Variants in KALRN observed in about 807,000 individuals in gnomAD.
KALRN encodes kalirin.
In KALRN, 70 loss-of-function variants were observed where a neutral mutation model predicts 353.7. The ratio of observed to expected loss-of-function variants is 0.20; its 90% CI spans 0.16 to 0.24. The LOEUF (loss-of-function observed/expected upper bound fraction) is 0.24, where lower values mean the gene tolerates loss of function less well. Among genes scored for constraint, KALRN ranks in the 10% least tolerant of loss-of-function variants. KALRN has a pLI of 1.00. For synonymous variants in KALRN, 1,391 were observed against 1,434.8 expected (o/e 0.97, Z 0.69); for missense variants, 2,791 against 3,756.7 (o/e 0.74, Z 6.72).
At chr3:124,200,075 G>A (rs1213357861) in intron 1 of KALRN, among the ~76,000 whole-genome samples, 1 of 152,192 alleles carries the variant, frequency 6.6e-6, no homozygotes, top group Non-Finnish European at 1.5e-5. Context: ...AAGGTGGGTG[G>A]CTGCAGCAGT....
At chr3:124,123,030 G>A (rs1007120733) in intron 1 of KALRN, among the ~76,000 whole-genome samples, 1 of 152,014 alleles carries the variant, frequency 6.6e-6, no homozygotes, top group Non-Finnish European at 1.5e-5. Context: ...ATGAAACCCA[G>A]TCTCTACAAA....
chr3:124,607,531 A>G (rs1227317744), intron 34 of KALRN, among the ~76,000 whole-genome samples: 1 of 152,228 alleles, frequency 6.6e-6, no homozygotes, highest in Non-Finnish European at 1.5e-5. Context: ...TATGTATGAC[A>G]TACTTTTTAA....
intron 58 of KALRN, among the ~76,000 whole-genome samples, chr3:124,716,443 G>T (rs2150819795): frequency 6.6e-6 from 1 of 152,354 alleles, no homozygotes; most frequent in South Asian, 2.1e-4. Context: ...AGAATCGCTT[G>T]AACCTGGGAG....
rs547243391 is a variant in KALRN at position 124,266,102 on chromosome 3, G to A, written c.456+1412G>A. On this transcript the variant is annotated intron_variant, in intron 4 of 59. Transcript: ENST00000682506. ...TGCATTCCAGCCTGGGTGACAGAGC[G>A]AAACTCCTCAAAAAACAAAACAAAA... Among the ~76,000 whole-genome samples, 19 of 152,040 alleles carry A rather than the reference G, an allele frequency of 1.2e-4. No individual in the cohort carries two copies. In the East Asian group the frequency reaches 2.9e-3, roughly 23 times the overall value.
chr3:124,388,935 A>G (rs1019795839), intron 11 of KALRN, among the ~76,000 whole-genome samples: 1 of 152,094 alleles, frequency 6.6e-6, no homozygotes, highest in Non-Finnish European at 1.5e-5. Context: ...TCTTGACTCT[A>G]TAGGCAAAGT....
chr3:124,666,699 A>G, intron 46 of KALRN, 65 bp downstream of exon 46: 1 of 1,350,710 alleles, frequency 7.4e-7, no homozygotes, highest in Non-Finnish European at 1.0e-6. Flanking sequence ...CTGCTTCCCT[A>G]AGACGAGGCC....
At chr3:124,699,148 T>C (rs145813085) in intron 55 of KALRN, among the ~76,000 whole-genome samples, 31 of 152,358 alleles carry the variant, frequency 2.0e-4, no homozygotes, top group African/African-American at 7.5e-4. Flanking sequence ...TATTTCTGCA[T>C]CCTTCTTAAG....
At chr3:124,039,030 CAA>C (rs1413951900) in intron 1 of KALRN, among the ~76,000 whole-genome samples, 1 of 152,224 alleles carries the variant, frequency 6.6e-6, no homozygotes, top group Non-Finnish European at 1.5e-5. Context: ...AGCCCCACTC[CAA>C]ATTGGACCTG....
intron 25 of KALRN, among the ~76,000 whole-genome samples, chr3:124,472,573 A>C (rs570647805): frequency 4.1e-5 from 4 of 97,434 alleles, no homozygotes; most frequent in South Asian, 3.1e-4. Context: ...GTGTGTGTGT[A>C]TATGTGTGTG....
chr3:124,343,248 C>T (rs1000649542), intron 9 of KALRN, among the ~76,000 whole-genome samples: 3 of 152,224 alleles, frequency 2.0e-5, no homozygotes, highest in Non-Finnish European at 4.4e-5. Context: ...GCCTGGAACT[C>T]CTAGGCTCAG....
intron 1 of KALRN, among the ~76,000 whole-genome samples, chr3:124,112,578 C>G (rs568761864): frequency 1.3e-5 from 2 of 152,306 alleles, no homozygotes; most frequent in South Asian, 4.1e-4. Context: ...ACTGGAGTAT[C>G]TAATGAGCAG....
At chr3:124,558,164 T>C (rs900216293) in intron 33 of KALRN, among the ~76,000 whole-genome samples, 9 of 152,204 alleles carry the variant, frequency 5.9e-5, no homozygotes, top group Admixed American at 5.2e-4. Context: ...TGTATATGCA[T>C]ATATACAGTT....
chr3:124,572,357 A>AT (rs2073637206), intron 34 of KALRN, among the ~76,000 whole-genome samples: 1 of 152,110 alleles, frequency 6.6e-6, no homozygotes, highest in Admixed American at 6.6e-5. Flanking sequence ...ACAAAAAAAA[A>AT]AACAGGTTGA....
intron 55 of KALRN, among the ~76,000 whole-genome samples, chr3:124,698,477 C>A (rs2062166981): frequency 6.6e-6 from 1 of 152,202 alleles, no homozygotes; most frequent in Admixed American, 6.5e-5. Flanking sequence ...ACCTCCCTGA[C>A]ATATTTATGA....
chr3:124,402,186 T>G (rs1432765804), intron 13 of KALRN, among the ~76,000 whole-genome samples: 1 of 152,230 alleles, frequency 6.6e-6, no homozygotes, highest in Non-Finnish European at 1.5e-5. Context: ...GCACATGAGC[T>G]GCTGCACCAA....
intron 1 of KALRN, among the ~76,000 whole-genome samples, chr3:124,081,851 G>A (rs1329731612): frequency 6.6e-6 from 1 of 152,198 alleles, no homozygotes; most frequent in Admixed American, 6.5e-5. Context: ...GTGCATGTAT[G>A]TGTGCATTGA....
intron 1 of KALRN, chr3:124,152,356 C>T (rs2068233355): frequency 7.5e-6 from 9 of 1,199,072 alleles, no homozygotes; most frequent in African/African-American, 1.5e-5. Context: ...TTGACGAAGG[C>T]GAAGAAGCTG....
At chr3:124,404,494 A>C (rs1415766411) in intron 13 of KALRN, among the ~76,000 whole-genome samples, 1 of 151,470 alleles carries the variant, frequency 6.6e-6, no homozygotes, top group Non-Finnish European at 1.5e-5. Context: ...AGCCCAGGAG[A>C]TAGGTACCTT....
At chr3:124,456,537 C>T in intron 22 of KALRN, 73 bp from the exon 23 acceptor site, 1 of 1,014,196 alleles carries the variant, frequency 9.9e-7, no homozygotes, top group South Asian at 1.4e-5. Context: ...CCCCTTTTAC[C>T]ACCTCCCTCA....
Sources: gnomAD v4.1 joint callset for allele counts (sites outside exome capture counted in the v4.1 genomes callset) on GRCh38, gnomAD v4.1.1 for gene constraint, MANE v1.5 for transcripts, NCBI Gene and HGNC (gene_info 2026-07-23, HGNC 2026-07-21) for gene names.